Variants in DTNBP1 observed in about 807,000 individuals in gnomAD.
DTNBP1 encodes the protein dysbindin.
A neutral mutation model predicts 42.8 loss-of-function variants in DTNBP1; 35 were observed. That is an observed-to-expected ratio of 0.82 (90% confidence interval 0.63 to 1.09). DTNBP1 has a LOEUF of 1.09. DTNBP1 is among the 50% of genes least tolerant of loss of function. The pLI is 0.00. For missense variants in DTNBP1, 457 were observed against 424.2 expected (o/e 1.08, Z -0.68); for synonymous variants, 171 against 162.2 (o/e 1.05, Z -0.41).
In DTNBP1 at chr6:15,604,757, CA is replaced by C. The variant is rs11448521; in HGVS notation, c.488+10509del. On this transcript the variant is annotated intron_variant, in intron 6 of 9. Transcript: ENST00000344537. ...GTCCAAATGTTACCAAAAAACAAAACAAAAAAACACAAACAAAAAGAAGGGC... is the reference window on the plus strand; with the variant it reads ...GTCCAAATGTTACCAAAAAACAAAACAAAAAACACAAACAAAAAGAAGGGC... 2.0e-5 allele frequency among the ~76,000 whole-genome samples: 3 copies of C among 151,942 alleles called. No homozygotes were observed. The South Asian group carries it at 6.2e-4, about 32-fold the overall frequency.
At chr6:15,618,034 A>AGAAC (rs1342796466) in intron 5 of DTNBP1, among the ~76,000 whole-genome samples, 8 of 152,150 alleles carry the variant, frequency 5.3e-5, no homozygotes, top group Non-Finnish European at 7.3e-5. Context: ...ACTGCTGGCC[A>AGAAC]TATGGTGTTC....
intron 7 of DTNBP1, among the ~76,000 whole-genome samples, chr6:15,534,679 A>G (rs1773109399): frequency 7.2e-6 from 1 of 139,094 alleles, no homozygotes. Context: ...AAAAAAAAAA[A>G]GCTTGGGAAC....
At chr6:15,628,991 A>G (rs923659201) in intron 4 of DTNBP1, among the ~76,000 whole-genome samples, 2 of 152,218 alleles carry the variant, frequency 1.3e-5, no homozygotes, top group Non-Finnish European at 2.9e-5. Flanking sequence ...GGGAGGCCAC[A>G]TCAAGTTTCA....
intron 4 of DTNBP1, among the ~76,000 whole-genome samples, chr6:15,629,373 A>C (rs1325252194): frequency 1.3e-5 from 2 of 152,152 alleles, no homozygotes; most frequent in African/African-American, 4.8e-5. Flanking sequence ...TCTAGAATAA[A>C]TAATTTTAGA....
Position 15,522,901 on chromosome 6 carries a change from T to G in DTNBP1, c.*74A>C, listed in dbSNP as rs1483385294. ...AATCAAGAACCTCTATAAAACAACC[T>G]GGCTTTCCAGGTGGAATTCCGCATA... is the stretch of plus-strand genomic sequence containing the variant. On this transcript the variant is annotated 3_prime_UTR_variant, in exon 10 of 10. Coordinates refer to ENST00000344537, the MANE Select transcript of DTNBP1 (RefSeq NM_032122.5). The G allele has an allele frequency of 1.2e-6, 2 of 1,613,178 alleles. No homozygotes were observed. The highest frequency in any genetic ancestry group is 2.7e-5 in the African/African-American group (2 of 74,942).
chr6:15,542,240 T>C (rs1773608301), intron 7 of DTNBP1, among the ~76,000 whole-genome samples: 1 of 152,224 alleles, frequency 6.6e-6, no homozygotes, highest in African/African-American at 2.4e-5. Context: ...TGAATACAAA[T>C]AAACATCTCT....
chr6:15,657,306 C>T (rs1013681434), intron 1 of DTNBP1, among the ~76,000 whole-genome samples: 1 of 152,208 alleles, frequency 6.6e-6, no homozygotes, highest in Non-Finnish European at 1.5e-5. Flanking sequence ...CTCTCTCAAA[C>T]CTATTGTTAA....
At chr6:15,582,577 GA>G (rs1248220333) in intron 7 of DTNBP1, among the ~76,000 whole-genome samples, 1 of 151,990 alleles carries the variant, frequency 6.6e-6, no homozygotes, top group Non-Finnish European at 1.5e-5. Flanking sequence ...CTAAATGAAA[GA>G]AAAAAATCCT....
intron 8 of DTNBP1, among the ~76,000 whole-genome samples, chr6:15,528,000 C>A (rs1772530561): frequency 6.6e-6 from 1 of 152,180 alleles, no homozygotes; most frequent in South Asian, 2.1e-4. Context: ...ACTCAACACT[C>A]AGGAATGCAT....
At chr6:15,651,179 C>T in intron 3 of DTNBP1, 134 bp downstream of exon 3, 1 of 834,798 alleles carries the variant, frequency 1.2e-6, no homozygotes, top group East Asian at 2.4e-5. Context: ...GAAAATAATA[C>T]ATAAATAATT....
chr6:15,525,303 C>G (rs953533587), intron 8 of DTNBP1, among the ~76,000 whole-genome samples: 2 of 152,244 alleles, frequency 1.3e-5, no homozygotes, highest in African/African-American at 4.8e-5. Flanking sequence ...CCCCACAGGT[C>G]TTTACTCATA....
At chr6:15,562,344 C>G (rs1051878066) in intron 7 of DTNBP1, among the ~76,000 whole-genome samples, 9 of 152,090 alleles carry the variant, frequency 5.9e-5, no homozygotes, top group Non-Finnish European at 1.2e-4. Context: ...ATCTGTTTCT[C>G]TATAATCTAA....
intron 7 of DTNBP1, among the ~76,000 whole-genome samples, chr6:15,568,598 C>G (rs1179626383): frequency 1.3e-5 from 2 of 152,038 alleles, no homozygotes; most frequent in Non-Finnish European, 2.9e-5. Context: ...GCCTGCCTCT[C>G]CTTCCACCTC....
rs555440397 is a variant in DTNBP1, at chr6:15,522,822, C to CTT, written c.*151_*152dup. 8.6e-4 allele frequency: 1,182 copies of CTT among 1,375,388 alleles called. 1 individual carries two copies. The highest frequency in any genetic ancestry group is 1.1e-3 in the Non-Finnish European group (1,096 of 987,482). 85.2% of individuals were successfully genotyped at this position (1,375,388 alleles called of 1,614,324 possible). Reference sequence around the variant, plus strand: ...GCGCTCTCAGTTTACCGTCCTCACACTTTATTGTTAGCTGTTCTTTAAGTT... The same window carrying CTT: ...GCGCTCTCAGTTTACCGTCCTCACACTTTTTATTGTTAGCTGTTCTTTAAGTT... On this transcript the variant is annotated 3_prime_UTR_variant, in exon 10 of 10. Transcript: ENST00000344537.
rs1338651968 is a variant in DTNBP1 at position 15,651,379 on chromosome 6, A to G, written c.111-16T>C. ...TGGAACAGTCCTGCCCAAAAGAAAC[A>G]CTTATTAAAACTGTTCTTGATTTAG... is the stretch of plus-strand genomic sequence containing the variant. On this transcript the variant is annotated splice_polypyrimidine_tract_variant and intron_variant, in intron 2 of 9. Coordinates refer to ENST00000344537, the MANE Select transcript of DTNBP1 (RefSeq NM_032122.5). 1.2e-6 allele frequency: 2 copies of G among 1,611,206 alleles called. No homozygotes were observed. The highest frequency in any genetic ancestry group is 1.7e-6 in the Non-Finnish European group (2 of 1,179,606).
chr6:15,568,206 A>C (rs1308628731), intron 7 of DTNBP1, among the ~76,000 whole-genome samples: 2 of 152,240 alleles, frequency 1.3e-5, no homozygotes, highest in African/African-American at 4.8e-5. Context: ...ATCCCTGAAG[A>C]AAAGAATCTG....
intron 3 of DTNBP1, among the ~76,000 whole-genome samples, chr6:15,640,786 C>A (rs1760297638): frequency 6.6e-6 from 1 of 152,150 alleles, no homozygotes; most frequent in Admixed American, 6.5e-5. Context: ...CTATTAAAGG[C>A]TTGCAGCTTC....
At position 15,633,440 on chromosome 6, in the gene DTNBP1, T is replaced by C. The variant is rs534988513; in HGVS notation, c.222+4304A>G. Among the ~76,000 whole-genome samples the C allele has an allele frequency of 3.3e-5, 5 of 152,220 alleles. No homozygotes were observed. The East Asian group carries it at 5.8e-4, about 18-fold the overall frequency. ...AACATTAACAGGAGTTTGGAAGAAA[T>C]TGATTCCAACCCTCATGGATGGCTT... On this transcript the variant is annotated intron_variant, in intron 4 of 9. Coordinates refer to ENST00000344537, the MANE Select transcript of DTNBP1 (RefSeq NM_032122.5).
Position 15,658,374 on chromosome 6 carries a change from T to A in DTNBP1, c.56+4440A>T, listed in dbSNP as rs12196958. On this transcript the variant is annotated intron_variant, in intron 1 of 9. Coordinates refer to ENST00000344537, the MANE Select transcript of DTNBP1 (RefSeq NM_032122.5). ...CCATTTGACCACATTGTAATTTAGA[T>A]GACTGGCTCCAACCCCCTTTGTGTA... 5.6e-3 allele frequency among the ~76,000 whole-genome samples: 848 copies of A among 152,270 alleles called. 5 individuals are homozygous for A. The highest frequency in any genetic ancestry group is 9.2e-3 in the Admixed American group (140 of 15,286).
Sources: allele counts gnomAD v4.1 joint callset (sites outside exome capture counted in the v4.1 genomes callset), GRCh38; gene constraint gnomAD v4.1.1; transcripts MANE v1.5; gene names NCBI Gene and HGNC (gene_info 2026-07-23, HGNC 2026-07-21).